CHST13: variants seen among roughly 807,000 people sequenced by gnomAD.
CHST13 encodes C4ST-3.
A neutral mutation model predicts 7.0 loss-of-function variants in CHST13; 1 was observed. The ratio of observed to expected loss-of-function variants is 0.14; its 90% confidence interval spans 0.05 to 0.68. The LOEUF (loss-of-function observed/expected upper bound fraction) is 0.68, where lower values mean the gene tolerates loss of function less well. Ranked by LOEUF, CHST13 falls within the 30% of genes least tolerant of loss-of-function variation. The pLI, the probability that CHST13 is intolerant of heterozygous loss-of-function variation, is 0.82. For missense variants in CHST13, 572 were observed against 507.9 expected, an observed-to-expected ratio of 1.13 and a Z score of -1.21; for synonymous variants, 257 against 240.9, an observed-to-expected ratio of 1.07 and a Z score of -0.62.
rs1015735454 is a variant in CHST13 at position 126,524,348 on chromosome 3, T to C, written c.16T>C (p.Cys6Arg). The C allele has an allele frequency of 4.6e-5, 57 of 1,235,502 alleles. No individual in the cohort carries two copies. The African/African-American group carries it at 7.4e-4, about 16-fold the overall frequency. The allele number at this position is 1,235,502 out of a possible 1,614,324, so 76.5% of individuals were successfully genotyped here. The part of the protein sequence containing the change: MGRRC[C>R]RRRVLAAACL... ...CCGGCACAGCATGGGGAGGCGCTGC[T>C]GCCGGCGGCGCGTGCTGGCGGCCGC... Residue 6 changes from cysteine to arginine, a missense_variant, in exon 1 of 3, where the codon TGC becomes CGC. Physicochemically the swap from Cys to Arg is radical, Grantham distance 180. Transcript: ENST00000319340.
At chr3:126,534,363 T>A (rs893278552) in intron 1 of CHST13, among the ~76,000 whole-genome samples, 2 of 152,164 alleles carry the variant, frequency 1.3e-5, no homozygotes, top group African/African-American at 4.8e-5. Flanking sequence ...TTATAATAGT[T>A]CTAGGAAAAC....
chr3:126,527,629 G>T (rs578205953), intron 1 of CHST13: 1 of 152,356 alleles, frequency 6.6e-6, no homozygotes, highest in Non-Finnish European at 1.5e-5. Context: ...TATCCCAGCA[G>T]GTGGTGGAGG....
chr3:126,536,724 G>A (rs761213730), intron 2 of CHST13, among the ~76,000 whole-genome samples: 8 of 151,738 alleles, frequency 5.3e-5, no homozygotes, highest in Admixed American at 6.6e-5. Flanking sequence ...CCCCAGCCCC[G>A]GCGTGATTCT....
At chr3:126,525,350 T>C (rs1172860776) in intron 1 of CHST13, among the ~76,000 whole-genome samples, 1 of 152,076 alleles carries the variant, frequency 6.6e-6, no homozygotes, top group East Asian at 1.9e-4. Context: ...GCGGGGATGT[T>C]GGGCAGTGGG....
intron 2 of CHST13, 49 bp downstream of exon 2, chr3:126,536,402 A>T: frequency 6.8e-7 from 1 of 1,477,128 alleles, no homozygotes; most frequent in South Asian, 1.1e-5. Context: ...CATCCCAGCC[A>T]GGAGCCTGAC....
At position 126,542,117 on chromosome 3, in the gene CHST13, G is replaced by T; in HGVS notation, c.565G>T (p.Ala189Ser). 1 of 1,577,756 alleles carries T rather than the reference G, an allele frequency of 6.3e-7. No homozygotes were observed. ...GGCATCGGCTTACCGCAACAAGCTC[G>T]CGCGCCCCTACAGCGCCGCCTTCCA... ...RLASAYRNKL[A>S]RPYSAAFQRR... Residue 189 changes from alanine (A) to serine (S), a missense_variant, in exon 3 of 3, where the codon GCG becomes TCG. Ala to Ser is a moderately conservative substitution (Grantham distance 99). Transcript: ENST00000319340.
At chr3:126,541,624 C>T in intron 2 of CHST13, 109 bp from the exon 3 acceptor site, 1 of 1,090,240 alleles carries the variant, frequency 9.2e-7, no homozygotes. Flanking sequence ...GGGTGCCCGG[C>T]GCAGCTCCTG....
intron 1 of CHST13, among the ~76,000 whole-genome samples, chr3:126,535,057 GAGAC>G (rs146511110): frequency 1.5e-3 from 6 of 4,112 alleles, no homozygotes; most frequent in East Asian, 8.6e-3. Flanking sequence ...CCTCAGCCGG[GAGAC>G]AGACAGACAG....
rs141794704 is a variant in CHST13 at position 126,533,160 on chromosome 3, G to A, written c.98-3111G>A. 3.7e-3 allele frequency among the ~76,000 whole-genome samples: 556 copies of A among 151,848 alleles called. 5 individuals carry two copies. Among genetic ancestry groups the A allele is most frequent in the African/African-American group, 0.013 (529 of 41,416 alleles). On this transcript the variant is annotated intron_variant, in intron 1 of 2. Coordinates refer to ENST00000319340, the MANE Select transcript of CHST13 (RefSeq NM_152889.3). ...TTTAGGGTTTTCTATATATATATAC[G>A]GTTATGTCATCTATGAATAGACAAA...
rs771769757 is a variant in CHST13 at position 126,542,478 on chromosome 3, G to C, written c.926G>C (p.Arg309Pro). 2 of 1,582,866 alleles carry C rather than the reference G, an allele frequency of 1.3e-6. No homozygotes were observed. The highest frequency in any genetic ancestry group is 1.7e-6 in the Non-Finnish European group (2 of 1,167,722). The change falls in exon 3 of 3, where the codon CGG (arginine) becomes CCG (proline). Residue 309 changes from arginine to proline, a missense_variant. Physicochemically the swap from Arg to Pro is moderately radical, Grantham distance 103. Coordinates refer to ENST00000319340, the MANE Select transcript of CHST13 (RefSeq NM_152889.3). ...CGCGACCTGGCAGCGCGCCTCTTCC[G>C]GGACATCAGCCCCTTCTACCAGCGG... ...ASRDLAARLFRDISPFYQRRL... is the reference protein window; with the variant it reads ...ASRDLAARLFPDISPFYQRRL...
intron 2 of CHST13, among the ~76,000 whole-genome samples, chr3:126,541,310 C>T (rs1245980353): frequency 6.6e-6 from 1 of 152,126 alleles, no homozygotes; most frequent in Non-Finnish European, 1.5e-5. Flanking sequence ...CAAAGCAGCC[C>T]GACAGCCCAC....
chr3:126,540,702 A>G (rs1391983857), intron 2 of CHST13, among the ~76,000 whole-genome samples: 1 of 152,204 alleles, frequency 6.6e-6, no homozygotes. Flanking sequence ...TTTTTGCATG[A>G]TGCACGTTTT....
intron 2 of CHST13, among the ~76,000 whole-genome samples, chr3:126,538,388 C>G (rs938737489): frequency 6.6e-6 from 1 of 152,226 alleles, no homozygotes; most frequent in African/African-American, 2.4e-5. Context: ...GACTTTTCAC[C>G]CTAAGGGAGT....
chr3:126,524,412 C>CCCGCT lies in CHST13; in HGVS notation c.83_87dup (p.Leu30AlafsTer50). The CCCGCT allele has an allele frequency of 1.7e-6, 2 of 1,188,156 alleles. No individual in the cohort carries two copies. Among genetic ancestry groups the CCCGCT allele is most frequent in the Non-Finnish European group, 2.1e-6 (2 of 949,300 alleles). The allele number at this position is 1,188,156 out of a possible 1,614,324, so 73.6% of individuals were successfully genotyped here. On this transcript the variant is annotated frameshift_variant, in exon 1 of 3. Coordinates refer to ENST00000319340, the MANE Select transcript of CHST13 (RefSeq NM_152889.3). LOFTEE classifies it high-confidence loss of function. The stretch of plus-strand genomic sequence containing the variant: ...GCGCTCCTGCTCCTATGCGCCGCGC[C>CCCGCT]CCGCTCCCTGCGCCCGGGTGAGTGC...
rs983045567 is a variant in CHST13, at chr3:126,524,201, C to G, written c.-132C>G. 1.5e-5 allele frequency: 9 copies of G among 613,776 alleles called. No individual in the cohort carries two copies. The highest frequency in any genetic ancestry group is 5.8e-5 in the African/African-American group (3 of 51,512). 38.0% of individuals were successfully genotyped at this position (613,776 alleles called of 1,614,324 possible). On this transcript the variant is annotated 5_prime_UTR_variant, in exon 1 of 3. Transcript: ENST00000319340. ...GCTGGTGGGGCTGGGGTCCAGCTGC[C>G]GTGCTCCCCTGCCCTGCGCCGCGCC... is the stretch of plus-strand genomic sequence containing the variant.
rs1335815997 is a variant in CHST13 at position 126,542,089 on chromosome 3, C to T, written c.537C>T (p.Arg179=). The change falls in exon 3 of 3, where the codon CGC becomes CGT. Residue 179 remains arginine (R), a synonymous_variant. Transcript: ENST00000319340. ...TGTTCGTGCGGGAGCCCTTCGAGCGCCTGGCATCGGCTTACCGCAACAAGC... is the reference window on the plus strand; with the variant it reads ...TGTTCGTGCGGGAGCCCTTCGAGCGTCTGGCATCGGCTTACCGCAACAAGC... ...AFLFVREPFE[R]LASAYRNKLA... The T allele has an allele frequency of 3.8e-6, 6 of 1,584,314 alleles. No individual in the cohort carries two copies. The highest frequency in any genetic ancestry group is 5.1e-6 in the Non-Finnish European group (6 of 1,169,414).
Position 126,542,299 on chromosome 3 carries a change from C to G in CHST13, c.747C>G (p.Arg249=). 1 of 1,565,924 alleles carries G rather than the reference C, an allele frequency of 6.4e-7. No individual in the cohort carries two copies. The highest frequency in any genetic ancestry group is 2.4e-5 in the East Asian group (1 of 41,044). The part of the protein sequence containing the change: ...REEPFNEHWE[R]AHALCHPCRL... Reference sequence around the variant, plus strand: ...AGCCCTTCAACGAGCACTGGGAGCGCGCGCACGCGCTCTGCCACCCGTGTC... The same window carrying G: ...AGCCCTTCAACGAGCACTGGGAGCGGGCGCACGCGCTCTGCCACCCGTGTC... Residue 249 remains arginine (R), a synonymous_variant, in exon 3 of 3, where the codon CGC becomes CGG. Coordinates refer to ENST00000319340, the MANE Select transcript of CHST13 (RefSeq NM_152889.3).
chr3:126,539,841 C>G (rs1160972060), intron 2 of CHST13, among the ~76,000 whole-genome samples: 1 of 83,700 alleles, frequency 1.2e-5, no homozygotes, highest in Non-Finnish European at 2.3e-5. Flanking sequence ...ACACACACCA[C>G]ACACATCACA....
intron 2 of CHST13, among the ~76,000 whole-genome samples, chr3:126,541,035 G>T (rs1576237288): frequency 2.0e-5 from 3 of 152,350 alleles, no homozygotes; most frequent in East Asian, 3.9e-4. Context: ...GGAGCTGGAA[G>T]CATGGAAGCG....
Sources: allele counts gnomAD v4.1 joint callset (sites outside exome capture counted in the v4.1 genomes callset), GRCh38; gene constraint gnomAD v4.1.1; transcripts MANE v1.5; gene names NCBI Gene and HGNC (gene_info 2026-07-23, HGNC 2026-07-21).